Variants in GIT1 observed in about 807,000 individuals in gnomAD.
GIT1 encodes GIT ArfGAP 1.
A neutral mutation model predicts 91.7 loss-of-function variants in GIT1; 14 were observed. The ratio of observed to expected loss-of-function variants is 0.15; its 90% CI spans 0.10 to 0.24. The LOEUF (loss-of-function observed/expected upper bound fraction) is 0.24, where lower values mean the gene tolerates loss of function less well. GIT1 is among the 10% of genes least tolerant of loss of function. GIT1 has a pLI of 1.00. For synonymous variants in GIT1, 414 were observed against 418.2 expected, an observed-to-expected ratio of 0.99 and a Z score of 0.12; for missense variants, 717 against 1,024.9, an observed-to-expected ratio of 0.70 and a Z score of 4.10.
In GIT1 at chr17:29,589,263, G is replaced by A; in HGVS notation, c.52+64C>T. The A allele has an allele frequency of 3.0e-6, 2 of 664,486 alleles. No individual in the cohort carries two copies. The highest frequency in any genetic ancestry group is 3.7e-6 in the Non-Finnish European group (2 of 534,468). 41.2% of individuals were successfully genotyped at this position (664,486 alleles called of 1,614,324 possible). A position where few individuals can be genotyped will look rare whatever the true frequency, so the allele number is the denominator to read the frequency against. ...CGGCCCCGCACAGCGCTCTTGCCAG[G>A]CCCCGGCGCCCGCCCGGCGGCGGCC... On this transcript the variant is annotated intron_variant, in intron 1 of 19. Coordinates refer to ENST00000225394, the MANE Select transcript of GIT1 (RefSeq NM_014030.4). This position sits in a 1 kb window ranked among gnomAD's most constrained non-coding sequence, Gnocchi z 5.2.
rs554276729 is a variant in GIT1 at position 29,581,953 on chromosome 17, A to G, written c.597T>C (p.Asn199=). 2.6e-4 allele frequency: 401 copies of G among 1,522,166 alleles called. 4 individuals are homozygous for G. In the South Asian group the frequency reaches 4.2e-3, roughly 16 times the overall value. The allele number at this position is 1,522,166 out of a possible 1,614,324, so 94.3% of individuals were successfully genotyped here. ...YGADPGSPDV[N]GRTPIDYARQ... is the part of the protein sequence containing the mutation. ...TGGCATAGTCAATGGGTGTGCGGCC[A>G]TTAACATCAGGGGAGCCAGGGTCAG... The change falls in exon 5 of 20, where the codon AAT becomes AAC. Residue 199 remains asparagine, a synonymous_variant. Transcript: ENST00000225394. The surrounding 1 kb of genome is among the most constrained non-coding windows in gnomAD (Gnocchi z 4.8).
In GIT1 at chr17:29,582,227, G is replaced by A. The variant is rs1283136203; in HGVS notation, c.406-83C>T. ...CACAAGCTGCACCCTGGCTGCCCCT[G>A]GGACACCTAGCAGCTCCAAGGAGGC... On this transcript the variant is annotated intron_variant, in intron 4 of 19. Transcript: ENST00000225394. 8 of 1,050,270 alleles carry A rather than the reference G, an allele frequency of 7.6e-6. No individual in the cohort carries two copies. The Admixed American group carries it at 1.2e-4, about 16-fold the overall frequency. 65.1% of individuals were successfully genotyped at this position (1,050,270 alleles called of 1,614,324 possible).
In GIT1 at chr17:29,582,700, T is replaced by C; in HGVS notation, c.403A>G (p.Lys135Glu). 1 of 1,608,224 alleles carries C rather than the reference T, an allele frequency of 6.2e-7. No individual in the cohort carries two copies. ...ATCTGTTGTAGGGCCCCTCAAACCT[T>C]GCTGAGGTCTTTGGCGGTGACTCCA... ...DDGVTAKDLS[K>E]QLHSSVRTGN... The change falls in exon 4 of 20, where the codon AAG becomes GAG. Residue 135 changes from lysine to glutamate, a missense_variant and splice_region_variant. Transcript: ENST00000225394.
In GIT1 at chr17:29,581,674, G is replaced by A. The variant is rs552977042; in HGVS notation, c.718+68C>T. On this transcript the variant is annotated intron_variant, in intron 6 of 19. Transcript: ENST00000225394. The surrounding 1 kb of genome is among the most constrained non-coding windows in gnomAD (Gnocchi z 4.8). The stretch of plus-strand genomic sequence containing the variant: ...CACCATGGCACCTGCTGCCGGGTGC[G>A]TCCAGGTCCCACCTGCCCAGCCCCA... 48 of 1,255,620 alleles carry A rather than the reference G, an allele frequency of 3.8e-5. No homozygotes were observed. The highest frequency in any genetic ancestry group is 1.2e-4 in the Admixed American group (7 of 58,972). 77.8% of individuals were successfully genotyped at this position (1,255,620 alleles called of 1,614,324 possible).
chr17:29,575,730 A>C lies in GIT1; in HGVS notation c.1753-27T>G. Reference sequence around the variant, plus strand: ...TGGAGGGCGGAGGGAAGGGGCTGTGAGCGCCGTGTTCCTGGACCCACACTG... The same window carrying C: ...TGGAGGGCGGAGGGAAGGGGCTGTGCGCGCCGTGTTCCTGGACCCACACTG... On this transcript the variant is annotated intron_variant, in intron 16 of 19. Coordinates refer to ENST00000225394, the MANE Select transcript of GIT1 (RefSeq NM_014030.4). This position sits in a 1 kb window ranked among gnomAD's most constrained non-coding sequence, Gnocchi z 5.5. 1 of 1,611,576 alleles carries C rather than the reference A, an allele frequency of 6.2e-7. No homozygotes were observed. The highest frequency in any genetic ancestry group is 8.5e-7 in the Non-Finnish European group (1 of 1,178,944).
rs1359941242 is a variant in GIT1, at chr17:29,575,559, C to G, written c.1826+71G>C. On this transcript the variant is annotated intron_variant, in intron 17 of 19. Transcript: ENST00000225394. The surrounding 1 kb of genome is among the most constrained non-coding windows in gnomAD (Gnocchi z 5.5). ...GGAGCCGCCCGCCTTGGTCCTCACA[C>G]ACTGGGGGCCCTCTCAACCTCCCCG... is the stretch of plus-strand genomic sequence containing the variant. 52 of 1,563,022 alleles carry G rather than the reference C, an allele frequency of 3.3e-5. No homozygotes were observed. Among genetic ancestry groups the G allele is most frequent in the Non-Finnish European group, 4.4e-5 (50 of 1,142,594 alleles).
Position 29,581,826 on chromosome 17 carries a change from G to A in GIT1, c.634C>T (p.His212Tyr), listed in dbSNP as rs756007431. 1.2e-6 allele frequency: 2 copies of A among 1,612,270 alleles called. No individual in the cohort carries two copies. The highest frequency in any genetic ancestry group is 1.3e-5 in the African/African-American group (1 of 74,902). The change falls in exon 6 of 20, where the codon CAC becomes TAC. Residue 212 changes from histidine to tyrosine, a missense_variant. Around this residue, in one of 3 missense-constraint regions of GIT1, gnomAD observed 271 missense variants for 451.6 expected, o/e 0.60. Coordinates refer to ENST00000225394, the MANE Select transcript of GIT1 (RefSeq NM_014030.4). This position sits in a 1 kb window ranked among gnomAD's most constrained non-coding sequence, Gnocchi z 4.8. ...TPIDYARQAG[H>Y]HELAERLVEC... ...ACCAGCCTTTCCGCCAGCTCATGGT[G>A]CCCCGCCTGCCTGTGAGGAGGGGGT...
intron 1 of GIT1, among the ~76,000 whole-genome samples, chr17:29,587,977 C>CA (rs2150856267): frequency 6.6e-6 from 1 of 152,278 alleles, no homozygotes; most frequent in South Asian, 2.1e-4. Flanking sequence ...TATGGACCCT[C>CA]AACCCCAGGG....
rs2033198652 is a variant in GIT1 at position 29,576,338 on chromosome 17, C to T, written c.1493G>A (p.Ser498Asn). The T allele has an allele frequency of 1.2e-6, 2 of 1,613,142 alleles. No homozygotes were observed. ...GGCCTGGCGATCCCTGCGGTGTGTGCTCCCGCCTGGCGCCATGGGTGTGTG... is the reference window on the plus strand; with the variant it reads ...GGCCTGGCGATCCCTGCGGTGTGTGTTCCCGCCTGGCGCCATGGGTGTGTG... ...AEHTPMAPGGSTHRRDRQAFS... is the reference protein window; with the variant it reads ...AEHTPMAPGGNTHRRDRQAFS... The change falls in exon 14 of 20, where the codon AGC becomes AAC. Residue 498 changes from serine (S) to asparagine (N), a missense_variant. Physicochemically the swap from Ser to Asn is conservative, Grantham distance 46. Transcript: ENST00000225394.
chr17:29,581,775 G>C lies in GIT1; in HGVS notation c.685C>G (p.Arg229Gly). The C allele has an allele frequency of 6.2e-7, 1 of 1,612,030 alleles. No individual in the cohort carries two copies. The highest frequency in any genetic ancestry group is 8.5e-7 in the Non-Finnish European group (1 of 1,179,920). ...CGTCCACAGAGGTAGAAGGCCAGCC[G>C]GTCAGTGAGCTCATATTGGCACTCA... ...LVECQYELTD[R>G]LAFYLCGRKP... The change falls in exon 6 of 20, where the codon CGG becomes GGG. Residue 229 changes from arginine to glycine, a missense_variant. Transcript: ENST00000225394. This position sits in a 1 kb window ranked among gnomAD's most constrained non-coding sequence, Gnocchi z 4.8.
intron 7 of GIT1, among the ~76,000 whole-genome samples, chr17:29,579,533 G>A (rs535674952): frequency 3.3e-5 from 5 of 152,192 alleles, no homozygotes; most frequent in South Asian, 4.2e-4. Flanking sequence ...TTCGCTTGAG[G>A]CCAGGAGGTG....
In GIT1 at chr17:29,574,687, G is replaced by A. The variant is rs764101068; in HGVS notation, c.*15C>T. The A allele has an allele frequency of 4.3e-5, 69 of 1,596,244 alleles. No homozygotes were observed. Among genetic ancestry groups the A allele is most frequent in the African/African-American group, 6.7e-5 (5 of 74,706 alleles). The stretch of plus-strand genomic sequence containing the variant: ...GTGAGGTCCTAGGGTGCAGGTGAGG[G>A]TGTGGGGAGAGAGGTCACTGCTTCT... On this transcript the variant is annotated 3_prime_UTR_variant, in exon 20 of 20. Transcript: ENST00000225394.
At chr17:29,576,710 G>A in intron 12 of GIT1, 36 bp from the exon 13 acceptor site, 1 of 1,611,706 alleles carries the variant, frequency 6.2e-7, no homozygotes, top group Non-Finnish European at 8.5e-7. Context: ...AGCACCTGGG[G>A]GCAGGGAGGC....
In GIT1 at chr17:29,578,626, C is replaced by T; in HGVS notation, c.810+105G>A. On this transcript the variant is annotated intron_variant, in intron 8 of 19. Transcript: ENST00000225394. ...GGCCAGTGAGGGGACAGGTCAAAGA[C>T]TTGGAAAAGGTCATCGAGTCAGAGG... 4 of 1,094,370 alleles carry T rather than the reference C, an allele frequency of 3.7e-6. No homozygotes were observed. The South Asian group carries it at 5.0e-5, about 14-fold the overall frequency. 67.8% of individuals were successfully genotyped at this position (1,094,370 alleles called of 1,614,324 possible). A position where few individuals can be genotyped will look rare whatever the true frequency, so the allele number is the denominator to read the frequency against.
chr17:29,580,776 C>CTT (rs113414459), intron 7 of GIT1, among the ~76,000 whole-genome samples: 2 of 142,584 alleles, frequency 1.4e-5, no homozygotes, highest in Non-Finnish European at 3.1e-5. Flanking sequence ...GTTTCTTTTT[C>CTT]TTTTTTTTTT....
chr17:29,587,294 G>A (rs1424192405), intron 1 of GIT1, among the ~76,000 whole-genome samples: 1 of 152,146 alleles, frequency 6.6e-6, no homozygotes, highest in Admixed American at 6.5e-5. Flanking sequence ...GCCAGCCAGG[G>A]TCCTAACAAG....
At position 29,589,438 on chromosome 17, in the gene GIT1, C is replaced by G. The variant is rs2033730798; in HGVS notation, c.-60G>C. 5.4e-6 allele frequency: 4 copies of G among 746,484 alleles called. No homozygotes were observed. Among genetic ancestry groups the G allele is most frequent in the South Asian group, 5.7e-5 (1 of 17,414 alleles). 46.2% of individuals were successfully genotyped at this position (746,484 alleles called of 1,614,324 possible). On this transcript the variant is annotated 5_prime_UTR_variant, in exon 1 of 20. Transcript: ENST00000225394. The surrounding 1 kb of genome is among the most constrained non-coding windows in gnomAD (Gnocchi z 5.2). ...AGCGTGGGGGGCGCGGGCGGCGGGC[C>G]CGGGCGGCGGCGGCGGCCCCTGCTG...
At chr17:29,577,861 G>T in intron 9 of GIT1, 119 bp from the exon 10 acceptor site, 2 of 683,954 alleles carry the variant, frequency 2.9e-6, no homozygotes, top group Non-Finnish European at 5.3e-6. Context: ...CTGGTGTTCA[G>T]AACAGGGGTG....
intron 1 of GIT1, among the ~76,000 whole-genome samples, chr17:29,586,447 A>G (rs2033596426): frequency 6.6e-6 from 1 of 152,190 alleles, no homozygotes; most frequent in Admixed American, 6.5e-5. Flanking sequence ...TTATTCTATA[A>G]CATGATCAGA....
Sources: allele counts gnomAD v4.1 joint callset (sites outside exome capture counted in the v4.1 genomes callset), GRCh38; gene constraint gnomAD v4.1.1; regional missense constraint gnomAD v4.1.1; non-coding constraint Gnocchi (gnomAD v3.1); transcripts MANE v1.5; gene names NCBI Gene and HGNC (gene_info 2026-07-23, HGNC 2026-07-21).